Variants in ADAM2 observed in about 807,000 individuals in gnomAD.
ADAM2 encodes the protein disintegrin and metalloproteinase domain-containing protein 2.
ADAM2 carries 101 observed loss-of-function variants against 99.3 expected under a neutral mutation model. The ratio of observed to expected loss-of-function variants is 1.02; its 90% CI spans 0.87 to 1.20. The LOEUF is 1.20. Among genes scored for constraint, ADAM2 ranks in the 50% most tolerant of loss-of-function variants. The probability of loss-of-function intolerance (pLI) is 0.00; values close to 1 mark genes in which losing one functional copy is unlikely to be tolerated. For missense variants in ADAM2, 948 were observed against 878.7 expected (o/e 1.08, Z -1.00); for synonymous variants, 323 against 287.6 (o/e 1.12, Z -1.25).
chr8:39,789,212 A>G (rs1360737622), intron 7 of ADAM2, among the ~76,000 whole-genome samples: 2 of 151,682 alleles, frequency 1.3e-5, no homozygotes, highest in African/African-American at 4.8e-5. Context: ...GCAACCAAAA[A>G]CAGAGCCAGA....
rs772120158 is a variant in ADAM2, at chr8:39,755,731, A to G, written c.1794T>C (p.Asn598=). ...TTGGGAATAAAAGACTACCTACCTT[A>G]TTTGAACCACAAGAAGTTCCATCTT... ...WIKDGTSCGS[N]KVCRNQRCVS... Residue 598 remains asparagine, a synonymous_variant, in exon 16 of 21, where the codon AAT becomes AAC. Coordinates refer to ENST00000265708, the MANE Select transcript of ADAM2 (RefSeq NM_001464.5). 3 of 1,610,126 alleles carry G rather than the reference A, an allele frequency of 1.9e-6. No homozygotes were observed. In the East Asian group the frequency reaches 6.7e-5, roughly 36 times the overall value.
In ADAM2 at chr8:39,812,122, T is replaced by C. The variant is rs1256697832; in HGVS notation, c.514-2656A>G. On this transcript the variant is annotated intron_variant, in intron 6 of 20. Transcript: ENST00000265708. ...AATGTGCAAAAATCACAAGCATTCCTATACAATAACAGACAAACAGAGAGC... is the reference window on the plus strand; with the variant it reads ...AATGTGCAAAAATCACAAGCATTCCCATACAATAACAGACAAACAGAGAGC... Among the ~76,000 whole-genome samples the C allele has an allele frequency of 2.0e-5, 3 of 152,028 alleles. No homozygotes were observed. The East Asian group carries it at 5.8e-4, about 29-fold the overall frequency.
chr8:39,759,962 G>A (rs951144764), intron 15 of ADAM2, among the ~76,000 whole-genome samples: 2 of 152,090 alleles, frequency 1.3e-5, no homozygotes, highest in African/African-American at 4.8e-5. Flanking sequence ...TGCCTCCCAG[G>A]TTCAAGCGAT....
At chr8:39,752,692 G>T (rs1479725064) in intron 16 of ADAM2, among the ~76,000 whole-genome samples, 1 of 152,160 alleles carries the variant, frequency 6.6e-6, no homozygotes, top group African/African-American at 2.4e-5. Flanking sequence ...CAGTGTCATG[G>T]GAGAGACCTG....
chr8:39,790,793 T>C (rs934442381), intron 7 of ADAM2, among the ~76,000 whole-genome samples: 1 of 151,924 alleles, frequency 6.6e-6, no homozygotes, highest in African/African-American at 2.4e-5. Context: ...GGTACATCTC[T>C]CCACTATAAG....
intron 16 of ADAM2, among the ~76,000 whole-genome samples, chr8:39,755,209 A>G (rs1261310092): frequency 6.6e-6 from 1 of 152,346 alleles, no homozygotes; most frequent in East Asian, 1.9e-4. Flanking sequence ...AATTCAGTGA[A>G]TACACATAAT....
intron 10 of ADAM2, among the ~76,000 whole-genome samples, chr8:39,784,179 C>T (rs146317565): frequency 3.9e-4 from 60 of 152,246 alleles, no homozygotes; most frequent in African/African-American, 1.4e-3. Context: ...CAACATCTTA[C>T]TTCTGTGAAC....
At chr8:39,762,657 G>C (rs1220988961) in intron 14 of ADAM2, among the ~76,000 whole-genome samples, 1 of 152,086 alleles carries the variant, frequency 6.6e-6, no homozygotes, top group African/African-American at 2.4e-5. Flanking sequence ...ATTATTAATA[G>C]TTGAAAGACC....
Position 39,824,851 on chromosome 8 carries a change from C to T in ADAM2, c.235G>A (p.Gly79Arg). ...TCTTGGTCAAGTGGTTTCATAATTC[C>T]TGTGCCACTATAACTGTAAACTCTA... is the stretch of plus-strand genomic sequence containing the variant. ...NFRVYSYSGT[G>R]IMKPLDQDFQ... The change falls in exon 4 of 21, where the codon GGA becomes AGA. Residue 79 changes from glycine to arginine, a missense_variant. Coordinates refer to ENST00000265708, the MANE Select transcript of ADAM2 (RefSeq NM_001464.5). 1.3e-6 allele frequency: 2 copies of T among 1,578,880 alleles called. No homozygotes were observed. Among genetic ancestry groups the T allele is most frequent in the Middle Eastern group, 1.7e-4 (1 of 5,990 alleles).
intron 6 of ADAM2, among the ~76,000 whole-genome samples, chr8:39,810,221 A>G (rs1804636805): frequency 6.6e-6 from 1 of 152,370 alleles, no homozygotes; most frequent in African/African-American, 2.4e-5. Context: ...GATCAATTCA[A>G]CAAGAAGAGC....
At chr8:39,804,970 A>T (rs975761811) in intron 7 of ADAM2, among the ~76,000 whole-genome samples, 4 of 152,178 alleles carry the variant, frequency 2.6e-5, no homozygotes, top group African/African-American at 4.8e-5. Flanking sequence ...AAATATCACA[A>T]GCTGAGTAGC....
At chr8:39,834,033 ATG>A in intron 2 of ADAM2, 34 bp from the exon 3 acceptor site, 1 of 1,209,228 alleles carries the variant, frequency 8.3e-7, no homozygotes, top group Non-Finnish European at 1.2e-6. Context: ...TACAAAGAAA[ATG>A]AAAAAAAATG....
At chr8:39,837,091 C>A (rs13255763) in intron 2 of ADAM2, 45 bp downstream of exon 2, 1 of 1,468,300 alleles carries the variant, frequency 6.8e-7, no homozygotes. Context: ...GAAACAAAAT[C>A]TTTACATCAT....
rs34417912 is a variant in ADAM2 at position 39,788,158 on chromosome 8, A to G, written c.736T>C (p.Leu246=). The G allele has an allele frequency of 5.0e-6, 8 of 1,589,300 alleles. No homozygotes were observed. The African/African-American group carries it at 6.8e-5, about 13-fold the overall frequency. The change falls in exon 9 of 21, where the codon TTA becomes CTA. Residue 246 remains leucine, a synonymous_variant. Coordinates refer to ENST00000265708, the MANE Select transcript of ADAM2 (RefSeq NM_001464.5). ...KIATTGEANE[L]LHTFLRWKTS... Reference sequence around the variant, plus strand: ...TTCCATCTTAAAAATGTGTGTAATAACTCATTAGCTTCTCCAGTGGTTGCA... The same window carrying G: ...TTCCATCTTAAAAATGTGTGTAATAGCTCATTAGCTTCTCCAGTGGTTGCA...
intron 10 of ADAM2, among the ~76,000 whole-genome samples, chr8:39,784,135 A>C (rs1803354348): frequency 1.3e-5 from 2 of 152,180 alleles, no homozygotes; most frequent in Non-Finnish European, 2.9e-5. Flanking sequence ...GTGGGAATTT[A>C]AACATCAAAA....
intron 7 of ADAM2, among the ~76,000 whole-genome samples, chr8:39,807,565 GAGGTC>G (rs1554528355): frequency 6.6e-6 from 1 of 152,150 alleles, no homozygotes; most frequent in Non-Finnish European, 1.5e-5. Flanking sequence ...AGGTTTCAAT[GAGGTC>G]ATAGGGGTGG....
chr8:39,781,923 G>A (rs145529046), intron 10 of ADAM2, among the ~76,000 whole-genome samples: 3,197 of 152,274 alleles, frequency 0.021, 42 homozygotes, highest in Non-Finnish European at 0.031. Flanking sequence ...GCGATATGGC[G>A]ACTTGATCTC....
At chr8:39,830,898 C>T (rs1490452464) in intron 3 of ADAM2, among the ~76,000 whole-genome samples, 4 of 152,104 alleles carry the variant, frequency 2.6e-5, no homozygotes, top group Non-Finnish European at 5.9e-5. Context: ...GATGATCAGG[C>T]CACAAGGCTG....
intron 4 of ADAM2, among the ~76,000 whole-genome samples, 182 bp from the exon 5 acceptor site, chr8:39,821,844 A>G (rs753647325): frequency 6.6e-6 from 1 of 152,304 alleles, no homozygotes; most frequent in South Asian, 2.1e-4. Context: ...CCACAGATTT[A>G]TAAAAAATGA....
Sources: gnomAD v4.1 joint callset for allele counts (sites outside exome capture counted in the v4.1 genomes callset) on GRCh38, gnomAD v4.1.1 for gene constraint, MANE v1.5 for transcripts, NCBI Gene and HGNC (gene_info 2026-07-23, HGNC 2026-07-21) for gene names.